Variants in HRH4 observed in about 807,000 individuals in gnomAD.
HRH4 encodes the protein histamine H4 receptor.
A neutral mutation model predicts 10.4 loss-of-function variants in HRH4; 12 were observed. That is an observed-to-expected ratio of 1.15 (90% CI 0.74 to 1.87). HRH4 has a LOEUF of 1.87. Among genes scored for constraint, HRH4 ranks in the 40% most tolerant of loss-of-function variants. The probability of loss-of-function intolerance (pLI) is 0.00; values close to 1 mark genes in which losing one functional copy is unlikely to be tolerated. For missense variants in HRH4, 415 were observed against 453.3 expected, an observed-to-expected ratio of 0.92 and a Z score of 0.77; for synonymous variants, 154 against 166.6, an observed-to-expected ratio of 0.92 and a Z score of 0.58.
chr18:24,462,953 GT>G (rs1256766044), intron 1 of HRH4, among the ~76,000 whole-genome samples: 1 of 152,186 alleles, frequency 6.6e-6, no homozygotes, highest in Non-Finnish European at 1.5e-5. Context: ...ACAGGATCTT[GT>G]GACTTTTAGA....
rs1308762388 is a variant in HRH4 at position 24,468,948 on chromosome 18, T to A, written c.354T>A (p.Asn118Lys). 1 of 1,598,204 alleles carries A rather than the reference T, an allele frequency of 6.3e-7. No homozygotes were observed. Among genetic ancestry groups the A allele is most frequent in the African/African-American group, 1.3e-5 (1 of 74,400 alleles). ...ISYDRYLSVS[N>K]AVSYRTQHTG... ...ATGATCGATACCTGTCAGTCTCAAA[T>A]GCTGTAAGTCGAAACATTAATTTAT... Residue 118 changes from asparagine to lysine, a missense_variant, in exon 2 of 3, where the codon AAT becomes AAA. Transcript: ENST00000256906.
Position 24,476,885 on chromosome 18 carries a change from C to A in HRH4, c.496C>A (p.Pro166Thr), listed in dbSNP as rs376506423. The A allele has an allele frequency of 6.2e-7, 1 of 1,614,104 alleles. No individual in the cohort carries two copies. Among genetic ancestry groups the A allele is most frequent in the Admixed American group, 1.7e-5 (1 of 60,002 alleles). Residue 166 changes from proline (P) to threonine (T), a missense_variant, in exon 3 of 3, where the codon CCT becomes ACT. Transcript: ENST00000256906. ...GAAGGATGAAGGTAGTGAATGTGAA[C>A]CTGGATTTTTTTCGGAATGGTACAT... is the stretch of plus-strand genomic sequence containing the variant. Reference protein sequence around the residue: ...SWKDEGSECEPGFFSEWYILA... With the variant: ...SWKDEGSECETGFFSEWYILA...
rs1909914543 is a variant in HRH4 at position 24,470,651 on chromosome 18, A to G, written c.357+1700A>G. ...CCCGAGTAGCTGGGATTACAGGCGC[A>G]TGCCACCATGCCTGGCTAATTTTTG... On this transcript the variant is annotated intron_variant, in intron 2 of 2. Transcript: ENST00000256906. Among the ~76,000 whole-genome samples the G allele has an allele frequency of 2.0e-5, 3 of 151,256 alleles. No homozygotes were observed. In the South Asian group the frequency reaches 6.3e-4, roughly 32 times the overall value.
At chr18:24,471,369 C>T (rs921808519) in intron 2 of HRH4, among the ~76,000 whole-genome samples, 4 of 151,418 alleles carry the variant, frequency 2.6e-5, no homozygotes, top group African/African-American at 9.7e-5. Flanking sequence ...CTTTGGGAGG[C>T]CAAGGCAGGT....
At position 24,477,524 on chromosome 18, in the gene HRH4, C is replaced by A. The variant is rs1302177940; in HGVS notation, c.1135C>A (p.Pro379Thr). Residue 379 changes from proline to threonine, a missense_variant, in exon 3 of 3, where the codon CCT becomes ACT. By Grantham distance (38) the Pro-to-Thr change is conservative (BLOSUM62 -1). Coordinates refer to ENST00000256906, the MANE Select transcript of HRH4 (RefSeq NM_021624.4). ...GAAAATATTTTGTATAAAAAAGCAA[C>A]CTCTACCATCACAACACAGTCGGTC... Reference protein sequence around the residue: ...FLKIFCIKKQPLPSQHSRSVS... With the variant: ...FLKIFCIKKQTLPSQHSRSVS... 1 of 1,602,084 alleles carries A rather than the reference C, an allele frequency of 6.2e-7. No homozygotes were observed. Among genetic ancestry groups the A allele is most frequent in the South Asian group, 1.1e-5 (1 of 90,070 alleles).
rs1432748742 is a variant in HRH4 at position 24,479,342 on chromosome 18, A to C, written c.*1780A>C. 1 of 152,240 alleles carries C rather than the reference A, an allele frequency of 6.6e-6. No homozygotes were observed. The highest frequency in any genetic ancestry group is 6.5e-5 in the Admixed American group (1 of 15,286). 9.4% of individuals were successfully genotyped at this position (152,240 alleles called of 1,614,324 possible). A position where few individuals can be genotyped will look rare whatever the true frequency, so the allele number is the denominator to read the frequency against. On this transcript the variant is annotated 3_prime_UTR_variant, in exon 3 of 3. Transcript: ENST00000256906. ...CTTAATGTCTTTAATGCATTTGCCC[A>C]ATATTTTACATTGTACTGCTCAGAG...
At chr18:24,469,804 T>C (rs8092706) in intron 2 of HRH4, among the ~76,000 whole-genome samples, 2,499 of 152,264 alleles carry the variant, frequency 0.016, 68 homozygotes, top group African/African-American at 0.057. Flanking sequence ...TGCAGGTTTT[T>C]TTACATGAGT....
At chr18:24,465,145 G>T (rs951717954) in intron 1 of HRH4, among the ~76,000 whole-genome samples, 3 of 151,968 alleles carry the variant, frequency 2.0e-5, no homozygotes, top group Non-Finnish European at 4.4e-5. Context: ...AAAATTAGCC[G>T]GGCGTGGTGG....
chr18:24,468,767 A>C, intron 1 of HRH4, 21 bp from the exon 2 acceptor site: 2 of 1,602,336 alleles, frequency 1.2e-6, no homozygotes, highest in Non-Finnish European at 1.7e-6. Flanking sequence ...ATGTTTTTAC[A>C]CTTATGTTTT....
At chr18:24,473,095 C>T (rs1476103313) in intron 2 of HRH4, among the ~76,000 whole-genome samples, 3 of 152,074 alleles carry the variant, frequency 2.0e-5, no homozygotes, top group Middle Eastern at 3.4e-3. Context: ...GCGGAGGCTG[C>T]AGTGAGCCAA....
At chr18:24,470,096 T>A (rs1024636686) in intron 2 of HRH4, among the ~76,000 whole-genome samples, 1 of 152,156 alleles carries the variant, frequency 6.6e-6, no homozygotes, top group African/African-American at 2.4e-5. Flanking sequence ...GGGACGATTG[T>A]GCAGCTGGAG....
chr18:24,474,755 C>T (rs1910088478), intron 2 of HRH4, among the ~76,000 whole-genome samples: 2 of 150,560 alleles, frequency 1.3e-5, no homozygotes, highest in Non-Finnish European at 2.9e-5. Flanking sequence ...GGCTCCATCT[C>T]GGTTCACTGA....
chr18:24,466,957 G>A (rs1285247374), intron 1 of HRH4, among the ~76,000 whole-genome samples: 1 of 152,182 alleles, frequency 6.6e-6, no homozygotes, highest in East Asian at 1.9e-4. Context: ...TTCTATGCTG[G>A]GCTGAATCAC....
At chr18:24,470,989 G>A (rs1909927805) in intron 2 of HRH4, among the ~76,000 whole-genome samples, 2 of 150,812 alleles carry the variant, frequency 1.3e-5, no homozygotes, top group South Asian at 4.2e-4. Flanking sequence ...CATTTTATTG[G>A]TGAAACTTAG....
In HRH4 at chr18:24,476,939, G is replaced by T; in HGVS notation, c.550G>T (p.Val184Leu). 1 of 1,614,082 alleles carries T rather than the reference G, an allele frequency of 6.2e-7. No homozygotes were observed. ...TGCCATCACATCATTCTTGGAATTC[G>T]TGATCCCAGTCATCTTAGTCGCTTA... ...ILAITSFLEFVIPVILVAYFN... is the reference protein window; with the variant it reads ...ILAITSFLEFLIPVILVAYFN... The change falls in exon 3 of 3, where the codon GTG becomes TTG. Residue 184 changes from valine to leucine, a missense_variant. Transcript: ENST00000256906.
At chr18:24,465,437 G>C (rs1909748656) in intron 1 of HRH4, among the ~76,000 whole-genome samples, 1 of 152,140 alleles carries the variant, frequency 6.6e-6, no homozygotes, top group Non-Finnish European at 1.5e-5. Flanking sequence ...GGCTGGGATG[G>C]AGTGATTGAG....
At chr18:24,464,388 C>T (rs77342840) in intron 1 of HRH4, among the ~76,000 whole-genome samples, 7,897 of 152,124 alleles carry the variant, frequency 0.052, 293 homozygotes, top group East Asian at 0.14. Flanking sequence ...GATCAGGGCC[C>T]CACTCTTATG....
At position 24,476,855 on chromosome 18, in the gene HRH4, T is replaced by C. The variant is rs769367107; in HGVS notation, c.466T>C (p.Ser156Pro). 1 of 1,614,074 alleles carries C rather than the reference T, an allele frequency of 6.2e-7. No individual in the cohort carries two copies. The highest frequency in any genetic ancestry group is 1.3e-5 in the African/African-American group (1 of 74,928). ...VNGPMILVSE[S>P]WKDEGSECEP... is the part of the protein sequence containing the mutation. The stretch of plus-strand genomic sequence containing the variant: ...TGGGCCAATGATTCTAGTTTCAGAG[T>C]CTTGGAAGGATGAAGGTAGTGAATG... The change falls in exon 3 of 3, where the codon TCT (serine) becomes CCT (proline). Residue 156 changes from serine (S) to proline (P), a missense_variant. Transcript: ENST00000256906.
At position 24,477,377 on chromosome 18, in the gene HRH4, T is replaced by G. The variant is rs1185982064; in HGVS notation, c.988T>G (p.Ser330Ala). ...GTTCACAATTGTCCTTTCATTTTAT[T>G]CCTCAGCAACAGGTCCTAAATCAGT... is the stretch of plus-strand genomic sequence containing the variant. ...SLFTIVLSFYSSATGPKSVWY... is the reference protein window; with the variant it reads ...SLFTIVLSFYASATGPKSVWY... The change falls in exon 3 of 3, where the codon TCC becomes GCC. Residue 330 changes from serine (S) to alanine (A), a missense_variant. Transcript: ENST00000256906. 8.1e-6 allele frequency: 13 copies of G among 1,614,014 alleles called. No individual in the cohort carries two copies. The highest frequency in any genetic ancestry group is 1.0e-5 in the Non-Finnish European group (12 of 1,179,904).
Sources: gnomAD v4.1 joint callset for allele counts (sites outside exome capture counted in the v4.1 genomes callset) on GRCh38, gnomAD v4.1.1 for gene constraint, MANE v1.5 for transcripts, NCBI Gene and HGNC (gene_info 2026-07-23, HGNC 2026-07-21) for gene names.